PDZD2: variants seen among roughly 807,000 people sequenced by gnomAD.
PDZD2 encodes PDZ domain-containing protein 2.
Under a neutral mutation model 220.7 loss-of-function variants are expected in PDZD2, and 90 were observed. The observed-to-expected ratio is 0.41, with a 90% CI of 0.34 to 0.49. The LOEUF is 0.49. PDZD2 is among the 20% of genes least tolerant of loss of function. The probability of loss-of-function intolerance (pLI) is 0.28; values close to 1 mark genes in which losing one functional copy is unlikely to be tolerated. For missense variants in PDZD2, 3,174 were observed against 3,608.5 expected (o/e 0.88, Z 3.08); for synonymous variants, 1,375 against 1,450.5 (o/e 0.95, Z 1.18).
At chr5:31,892,551 G>A (rs935883905) in intron 2 of PDZD2, among the ~76,000 whole-genome samples, 18 of 152,202 alleles carry the variant, frequency 1.2e-4, no homozygotes, top group Non-Finnish European at 2.5e-4. Context: ...GTACACAGGT[G>A]TAGTGGGCCT....
At chr5:31,682,334 G>A (rs949216724) in intron 1 of PDZD2, among the ~76,000 whole-genome samples, 14 of 152,132 alleles carry the variant, frequency 9.2e-5, no homozygotes, top group African/African-American at 3.1e-4. Flanking sequence ...TTTCAAGTCC[G>A]TGGTTAGGGC....
At chr5:31,778,020 G>A (rs1186423450) in intron 1 of PDZD2, among the ~76,000 whole-genome samples, 2 of 151,040 alleles carry the variant, frequency 1.3e-5, no homozygotes, top group Non-Finnish European at 2.9e-5. Flanking sequence ...TGTCTAGCTC[G>A]GGGATTGTAA....
chr5:31,746,923 C>T (rs1750637687), intron 1 of PDZD2, among the ~76,000 whole-genome samples: 1 of 152,238 alleles, frequency 6.6e-6, no homozygotes, highest in Non-Finnish European at 1.5e-5. Context: ...CGCCTGTAAT[C>T]TCAGCACTTT....
chr5:31,663,721 G>A (rs1160236124), intron 1 of PDZD2, among the ~76,000 whole-genome samples: 3 of 152,066 alleles, frequency 2.0e-5, no homozygotes, highest in South Asian at 2.1e-4. Flanking sequence ...ATTTGGCTCC[G>A]TGTGATACCC....
intron 7 of PDZD2, among the ~76,000 whole-genome samples, chr5:32,046,791 C>T (rs2112278478): frequency 6.6e-6 from 1 of 152,166 alleles, no homozygotes; most frequent in South Asian, 2.1e-4. Context: ...GCCTGTAATC[C>T]CAGCATTTTG....
At chr5:31,965,206 C>T (rs1748620096) in intron 2 of PDZD2, among the ~76,000 whole-genome samples, 1 of 152,186 alleles carries the variant, frequency 6.6e-6, no homozygotes, top group Non-Finnish European at 1.5e-5. Context: ...GGAAGAGGCT[C>T]TCCCATACAG....
intron 2 of PDZD2, among the ~76,000 whole-genome samples, chr5:31,867,148 A>T (rs1388651526): frequency 6.6e-6 from 1 of 152,178 alleles, no homozygotes; most frequent in South Asian, 2.1e-4. Context: ...ATCCTTTAAA[A>T]AGCTTCTCTG....
chr5:32,029,329 T>TAAAAAAAAA (rs34025632), intron 6 of PDZD2, among the ~76,000 whole-genome samples: 4 of 65,838 alleles, frequency 6.1e-5, no homozygotes, highest in African/African-American at 1.8e-4. Context: ...TCAAGAACTG[T>TAAAAAAAAA]AAAAAAAAAA....
At chr5:32,061,264 T>C in intron 14 of PDZD2, 130 bp downstream of exon 14, 1 of 716,776 alleles carries the variant, frequency 1.4e-6, no homozygotes, top group Non-Finnish European at 2.4e-6. Flanking sequence ...ATGTGGGAAA[T>C]GAATCTCTAA....
At chr5:31,709,116 G>A (rs1580597891) in intron 1 of PDZD2, among the ~76,000 whole-genome samples, 1 of 152,220 alleles carries the variant, frequency 6.6e-6, no homozygotes, top group East Asian at 1.9e-4. Flanking sequence ...TCGAACTGCT[G>A]TCCTCATGAT....
chr5:31,904,019 A>T (rs1350067723), intron 2 of PDZD2, among the ~76,000 whole-genome samples: 1 of 147,480 alleles, frequency 6.8e-6, no homozygotes, highest in Non-Finnish European at 1.5e-5. Context: ...GGCATGAGCC[A>T]TTGCACCCAG....
At chr5:31,864,523 CT>C (rs962086402) in intron 2 of PDZD2, among the ~76,000 whole-genome samples, 275 of 145,884 alleles carry the variant, frequency 1.9e-3, no homozygotes, top group South Asian at 2.4e-3. Context: ...GAATTGCATC[CT>C]TTTTTTTTTT....
intron 2 of PDZD2, among the ~76,000 whole-genome samples, chr5:31,950,199 T>C (rs571812584): frequency 7.2e-5 from 11 of 152,310 alleles, no homozygotes; most frequent in African/African-American, 2.6e-4. Context: ...TTGTTCAGAA[T>C]ATCCTGTGGG....
In PDZD2 at chr5:32,087,682, G is replaced by A. The variant is rs866873750; in HGVS notation, c.4234G>A (p.Gly1412Arg). Residue 1412 changes from glycine (G) to arginine (R), a missense_variant, in exon 20 of 25, where the codon GGG becomes AGG. Physicochemically the swap from Gly to Arg is moderately radical, Grantham distance 125. Coordinates refer to ENST00000438447, the MANE Select transcript of PDZD2 (RefSeq NM_178140.4). This position sits in a 1 kb window ranked among gnomAD's most constrained non-coding sequence, Gnocchi z 4.0. ...CAAAGAAGCATGTGGCCATGTCTCG[G>A]GGCACTGCTGCCCAGGGGGGAGTAG... is the stretch of plus-strand genomic sequence containing the variant. ...NTKEACGHVS[G>R]HCCPGGSRES... The A allele has an allele frequency of 1.2e-6, 2 of 1,614,054 alleles. No homozygotes were observed. Among genetic ancestry groups the A allele is most frequent in the African/African-American group, 1.3e-5 (1 of 74,948 alleles).
intron 2 of PDZD2, among the ~76,000 whole-genome samples, chr5:31,969,951 T>G (rs1286991700): frequency 6.6e-6 from 1 of 151,996 alleles, no homozygotes; most frequent in East Asian, 1.9e-4. Context: ...CAGGCTGGAG[T>G]GCAGTGGTGT....
At chr5:31,821,265 T>G (rs1173304396) in intron 2 of PDZD2, among the ~76,000 whole-genome samples, 1 of 149,372 alleles carries the variant, frequency 6.7e-6, no homozygotes, top group Non-Finnish European at 1.5e-5. Context: ...AAATTTAAAT[T>G]TAATGGGCAT....
intron 1 of PDZD2, among the ~76,000 whole-genome samples, chr5:31,661,126 G>A (rs950182861): frequency 3.3e-5 from 5 of 152,166 alleles, no homozygotes; most frequent in Non-Finnish European, 7.3e-5. Flanking sequence ...ATGAGAAAGG[G>A]TTAGCTCTTC....
intron 1 of PDZD2, among the ~76,000 whole-genome samples, chr5:31,786,177 G>A (rs917437208): frequency 5.3e-5 from 8 of 152,122 alleles, no homozygotes; most frequent in Admixed American, 2.0e-4. Flanking sequence ...TTTGTGCTCC[G>A]TGATCTTTTG....
chr5:31,928,751 C>A (rs1171702354), intron 2 of PDZD2, among the ~76,000 whole-genome samples: 1 of 152,148 alleles, frequency 6.6e-6, no homozygotes, highest in African/African-American at 2.4e-5. Context: ...GGATTACAGG[C>A]CTGAGCCACG....
Sources: gnomAD v4.1 joint callset for allele counts (sites outside exome capture counted in the v4.1 genomes callset) on GRCh38, gnomAD v4.1.1 for gene constraint, Gnocchi (gnomAD v3.1) non-coding constraint, MANE v1.5 for transcripts, NCBI Gene and HGNC (gene_info 2026-07-23, HGNC 2026-07-21) for gene names.